MARCHF1: variants seen among roughly 807,000 people sequenced by gnomAD.
MARCHF1 encodes E3 ubiquitin-protein ligase MARCHF1.
In MARCHF1, 40 loss-of-function variants were observed where a neutral mutation model predicts 54.2. That is an observed-to-expected ratio of 0.74 (90% confidence interval 0.57 to 0.96). The LOEUF (loss-of-function observed/expected upper bound fraction) is 0.96. Ranked by LOEUF, MARCHF1 falls within the 40% of genes least tolerant of loss-of-function variation. The pLI is 0.00. For synonymous variants in MARCHF1, 236 were observed against 236.3 expected, an observed-to-expected ratio of 1.00 and a Z score of 0.01; for missense variants, 586 against 656.5, an observed-to-expected ratio of 0.89 and a Z score of 1.17.
At chr4:164,001,884 A>G (rs1260792961) in intron 2 of MARCHF1, among the ~76,000 whole-genome samples, 1 of 151,934 alleles carries the variant, frequency 6.6e-6, no homozygotes, top group Non-Finnish European at 1.5e-5. Context: ...AAATAAGGAA[A>G]AAAATAACTA....
intron 1 of MARCHF1, among the ~76,000 whole-genome samples, chr4:164,238,722 T>C (rs146014795): frequency 2.6e-5 from 4 of 152,118 alleles, no homozygotes; most frequent in African/African-American, 4.8e-5. Context: ...ATGAATAGTA[T>C]TTATAAATAT....
chr4:163,829,427 C>T lies in MARCHF1; in HGVS notation c.111+24594G>A, dbSNP rs75482802. 5.0e-3 allele frequency among the ~76,000 whole-genome samples: 765 copies of T among 152,292 alleles called. 11 individuals are homozygous for T. Among genetic ancestry groups the T allele is most frequent in the South Asian group, 0.027 (132 of 4,830 alleles). Reference sequence around the variant, plus strand: ...TCTCATAAAACCTATTATAAACACCCTCTATCACTAGCATATTTATGACTA... The same window carrying T: ...TCTCATAAAACCTATTATAAACACCTTCTATCACTAGCATATTTATGACTA... On this transcript the variant is annotated intron_variant, in intron 4 of 9. Transcript: ENST00000514618.
chr4:164,361,366 C>T (rs1730718302), intron 1 of MARCHF1, among the ~76,000 whole-genome samples: 1 of 152,198 alleles, frequency 6.6e-6, no homozygotes, highest in Admixed American at 6.5e-5. Context: ...CCTCCTACAA[C>T]TGCAACCGTT....
chr4:163,886,898 C>T (rs1451462933), intron 3 of MARCHF1, among the ~76,000 whole-genome samples: 1 of 151,980 alleles, frequency 6.6e-6, no homozygotes, highest in African/African-American at 2.4e-5. Context: ...AGCTTTTGTC[C>T]TTCATCCTCT....
At chr4:164,108,765 G>A (rs1363119672) in intron 2 of MARCHF1, among the ~76,000 whole-genome samples, 1 of 152,002 alleles carries the variant, frequency 6.6e-6, no homozygotes, top group African/African-American at 2.4e-5. Flanking sequence ...AGAAAGTAGA[G>A]TTATTTCTAA....
intron 2 of MARCHF1, among the ~76,000 whole-genome samples, chr4:164,019,504 G>A (rs1753615473): frequency 6.6e-6 from 1 of 152,060 alleles, no homozygotes; most frequent in African/African-American, 2.4e-5. Flanking sequence ...CATTGTTGAG[G>A]GAAATAGAAC....
intron 1 of MARCHF1, among the ~76,000 whole-genome samples, chr4:164,211,645 G>A (rs75698217): frequency 0.018 from 2,697 of 152,038 alleles, 46 homozygotes; most frequent in Middle Eastern, 0.031. Flanking sequence ...ACTGTAGAAG[G>A]AAACAAAAAC....
chr4:163,610,247 C>A (rs1013338997), intron 7 of MARCHF1, among the ~76,000 whole-genome samples: 1 of 151,982 alleles, frequency 6.6e-6, no homozygotes, highest in Non-Finnish European at 1.5e-5. Context: ...AGATCATAAG[C>A]CACTTAAGGG....
chr4:163,599,909 G>A (rs774319489), intron 7 of MARCHF1, among the ~76,000 whole-genome samples: 17 of 152,162 alleles, frequency 1.1e-4, no homozygotes, highest in Non-Finnish European at 2.5e-4. Flanking sequence ...AGAAATTTGA[G>A]GTCATTCCAA....
At position 163,612,275 on chromosome 4, in the gene MARCHF1, A is replaced by C. The variant is rs1267002281; in HGVS notation, c.1006T>G (p.Cys336Gly). 9 of 1,497,802 alleles carry C rather than the reference A, an allele frequency of 6.0e-6. No homozygotes were observed. Among genetic ancestry groups the C allele is most frequent in the African/African-American group, 1.4e-5 (1 of 71,268 alleles). 92.8% of individuals were successfully genotyped at this position (1,497,802 alleles called of 1,614,324 possible). Reference sequence around the variant, plus strand: ...CCTTTCTCTACAGTGACTGACCTGCATACTTCTAAATTATCAGACCCATCG... The same window carrying C: ...CCTTTCTCTACAGTGACTGACCTGCCTACTTCTAAATTATCAGACCCATCG... ...YDDGSDNLEV[C>G]RICHCEGDEE... is the part of the protein sequence containing the mutation. The change falls in exon 7 of 10, where the codon TGC (cysteine) becomes GGC (glycine). Residue 336 changes from cysteine (C) to glycine (G), a missense_variant. Cys to Gly is a radical substitution (Grantham distance 159). Transcript: ENST00000514618.
At chr4:164,077,338 T>A (rs1033066640) in intron 2 of MARCHF1, among the ~76,000 whole-genome samples, 1 of 152,192 alleles carries the variant, frequency 6.6e-6, no homozygotes, top group African/African-American at 2.4e-5. Context: ...TGCAGAAAAC[T>A]GAAACTGGAC....
intron 2 of MARCHF1, among the ~76,000 whole-genome samples, chr4:164,061,869 C>T (rs778203402): frequency 3.9e-5 from 6 of 152,146 alleles, no homozygotes; most frequent in South Asian, 2.1e-4. Flanking sequence ...GGATGCTGAC[C>T]GTTCAGGCTA....
In MARCHF1 at chr4:163,979,161, T is replaced by TC. The variant is rs1436034156; in HGVS notation, c.-39+9339dup. Among the ~76,000 whole-genome samples the TC allele has an allele frequency of 4.3e-4, 18 of 41,804 alleles. 1 individual carries two copies. Among genetic ancestry groups the TC allele is most frequent in the Middle Eastern group, 0.014 (1 of 74 alleles). The allele number at this position is 41,804 out of a possible 152,430, so 27.4% of individuals were successfully genotyped here. A position where few individuals can be genotyped will look rare whatever the true frequency, so the allele number is the denominator to read the frequency against. On this transcript the variant is annotated intron_variant, in intron 3 of 9. Coordinates refer to ENST00000514618, the MANE Select transcript of MARCHF1 (RefSeq NM_001394959.1). ...GCATTAGGTATATCTCCCAATGCTATCCCCCCCCCTCCCCCCACCCCACCA... is the reference window on the plus strand; with the variant it reads ...GCATTAGGTATATCTCCCAATGCTATCCCCCCCCCCTCCCCCCACCCCACCA...
intron 1 of MARCHF1, among the ~76,000 whole-genome samples, chr4:164,218,004 C>G (rs1200042606): frequency 6.6e-6 from 1 of 151,956 alleles, no homozygotes; most frequent in Non-Finnish European, 1.5e-5. Context: ...AGGTCTTAGA[C>G]ATTCTTTAAA....
At chr4:163,646,393 C>A (rs1742761580) in intron 5 of MARCHF1, among the ~76,000 whole-genome samples, 1 of 151,936 alleles carries the variant, frequency 6.6e-6, no homozygotes. Context: ...AAAGGAAGTT[C>A]TTCAAGTAAA....
At chr4:163,740,734 T>C (rs1261043440) in intron 4 of MARCHF1, among the ~76,000 whole-genome samples, 10 of 152,184 alleles carry the variant, frequency 6.6e-5, no homozygotes, top group African/African-American at 2.4e-4. Context: ...ATGTAAAAGA[T>C]TCATGGAGAA....
chr4:164,118,162 T>C (rs1755979171), intron 1 of MARCHF1, among the ~76,000 whole-genome samples: 1 of 151,888 alleles, frequency 6.6e-6, no homozygotes. Flanking sequence ...ATATTTTAAA[T>C]AAATACTTCA....
intron 4 of MARCHF1, among the ~76,000 whole-genome samples, chr4:163,840,941 TA>T (rs1190410364): frequency 6.8e-6 from 1 of 148,094 alleles, no homozygotes; most frequent in African/African-American, 2.5e-5. Context: ...TATGCATCAA[TA>T]AATCTGGAAG....
intron 7 of MARCHF1, among the ~76,000 whole-genome samples, chr4:163,594,163 G>C (rs1740679982): frequency 6.6e-6 from 1 of 152,016 alleles, no homozygotes; most frequent in East Asian, 1.9e-4. Flanking sequence ...CATGGGAATT[G>C]GAATTGAAGC....
Sources: gnomAD v4.1 joint callset for allele counts (sites outside exome capture counted in the v4.1 genomes callset) on GRCh38, gnomAD v4.1.1 for gene constraint, MANE v1.5 for transcripts, NCBI Gene and HGNC (gene_info 2026-07-23, HGNC 2026-07-21) for gene names.